The following RBFOX3 variants were observed in gnomAD, a reference collection of about 807,000 sequenced individuals.
RBFOX3 encodes RNA binding fox-1 homolog 3.
In RBFOX3, 17 loss-of-function variants were observed where a neutral mutation model predicts 48.7. The observed-to-expected ratio is 0.35, with a 90% CI of 0.24 to 0.52. The LOEUF is 0.52. Among genes scored for constraint, RBFOX3 ranks in the 20% least tolerant of loss-of-function variants. The pLI, the probability that RBFOX3 is intolerant of heterozygous loss-of-function variation, is 0.94. For missense variants in RBFOX3, 382 were observed against 497.5 expected (o/e 0.77, Z 2.21); for synonymous variants, 212 against 209.5 (o/e 1.01, Z -0.10).
chr17:79,107,783 C>T (rs770072887), intron 5 of RBFOX3, among the ~76,000 whole-genome samples: 20 of 152,230 alleles, frequency 1.3e-4, no homozygotes, highest in Non-Finnish European at 2.1e-4. Flanking sequence ...GTGCCAGCCT[C>T]GCAGGCTGTT....
rs1297043283 is a variant in RBFOX3, at chr17:79,362,417, G to A, written c.-174-54593C>T. The stretch of plus-strand genomic sequence containing the variant: ...AAACAGAGCCCCAGCTCTGAGGCAT[G>A]GGGAGAGGATCACCCAGGGGACCAG... On this transcript the variant is annotated intron_variant, in intron 2 of 14. Transcript: ENST00000693108. This position sits in a 1 kb window ranked among gnomAD's most constrained non-coding sequence, Gnocchi z 4.2. Among the ~76,000 whole-genome samples the A allele has an allele frequency of 6.6e-6, 1 of 152,160 alleles. No individual in the cohort carries two copies. The highest frequency in any genetic ancestry group is 2.1e-4 in the South Asian group (1 of 4,828).
chr17:79,417,829 G>T (rs574426448), intron 2 of RBFOX3, among the ~76,000 whole-genome samples: 1 of 152,244 alleles, frequency 6.6e-6, no homozygotes. Flanking sequence ...CAGTGTCCAC[G>T]GATGGACGAA....
intron 3 of RBFOX3, among the ~76,000 whole-genome samples, chr17:79,279,497 C>A (rs2069734499): frequency 6.6e-6 from 1 of 152,194 alleles, no homozygotes; most frequent in African/African-American, 2.4e-5. Context: ...ACGGCACTGT[C>A]ACGGCGGGTT....
intron 1 of RBFOX3, among the ~76,000 whole-genome samples, chr17:79,486,381 G>C (rs1173476918): frequency 6.6e-6 from 1 of 152,154 alleles, no homozygotes; most frequent in Non-Finnish European, 1.5e-5. Context: ...CATGCGCTGA[G>C]TGCAGTGCTC....
intron 7 of RBFOX3, 50 bp downstream of exon 7, chr17:79,104,023 G>C: frequency 6.7e-7 from 1 of 1,481,850 alleles, no homozygotes; most frequent in East Asian, 2.5e-5. Flanking sequence ...CGTTAGCCTG[G>C]CGGGACCTAC....
At chr17:79,227,123 TTGGCAGGC>T (rs1446601019) in intron 4 of RBFOX3, among the ~76,000 whole-genome samples, 2 of 152,198 alleles carry the variant, frequency 1.3e-5, no homozygotes, top group African/African-American at 2.4e-5. Context: ...CGCCAGCCAG[TTGGCAGGC>T]TGGACACTCA....
At chr17:79,121,856 A>AG (rs2035821796) in intron 4 of RBFOX3, among the ~76,000 whole-genome samples, 1 of 152,036 alleles carries the variant, frequency 6.6e-6, no homozygotes. Flanking sequence ...TTAAAAAAAA[A>AG]CATCTGTATG....
At chr17:79,174,819 A>G (rs963868261) in intron 4 of RBFOX3, among the ~76,000 whole-genome samples, 4 of 152,238 alleles carry the variant, frequency 2.6e-5, no homozygotes, top group Non-Finnish European at 1.5e-5. Context: ...ACGTTTGTCT[A>G]AGTGAGACTG....
At chr17:79,186,747 G>C (rs2053492481) in intron 4 of RBFOX3, among the ~76,000 whole-genome samples, 1 of 152,260 alleles carries the variant, frequency 6.6e-6, no homozygotes, top group Non-Finnish European at 1.5e-5. Context: ...AGGCAGGCAG[G>C]AACTGAGCTG....
chr17:79,205,253 C>A lies in RBFOX3; in HGVS notation c.-34+30513G>T, dbSNP rs1366389144. On this transcript the variant is annotated intron_variant, in intron 4 of 14. Transcript: ENST00000693108. The surrounding 1 kb of genome is among the most constrained non-coding windows in gnomAD (Gnocchi z 4.5). ...GGAGGATACATGGTTAGAGCAGACACTGATACCTGTGAAATGAAAACACCA... is the reference window on the plus strand; with the variant it reads ...GGAGGATACATGGTTAGAGCAGACAATGATACCTGTGAAATGAAAACACCA... 6.6e-6 allele frequency among the ~76,000 whole-genome samples: 1 copy of A among 152,132 alleles called. No homozygotes were observed. Among genetic ancestry groups the A allele is most frequent in the Non-Finnish European group, 1.5e-5 (1 of 68,030 alleles).
At chr17:79,462,119 T>C (rs1598797185) in intron 2 of RBFOX3, among the ~76,000 whole-genome samples, 1 of 152,368 alleles carries the variant, frequency 6.6e-6, no homozygotes, top group East Asian at 1.9e-4. Flanking sequence ...TGCCTCTCTC[T>C]CTAGAACACA....
chr17:79,156,635 C>T (rs74426883), intron 4 of RBFOX3, among the ~76,000 whole-genome samples: 5,255 of 152,278 alleles, frequency 0.035, 141 homozygotes, highest in East Asian at 0.15. Flanking sequence ...TTTATTGGAA[C>T]CTGGCCACAC....
chr17:79,578,685 A>G (rs2092943955), intron 1 of RBFOX3, among the ~76,000 whole-genome samples: 1 of 152,264 alleles, frequency 6.6e-6, no homozygotes, highest in African/African-American at 2.4e-5. Context: ...GAACTCCCTG[A>G]CTTGGCTCTG....
At chr17:79,586,105 G>A (rs2093241431) in intron 1 of RBFOX3, among the ~76,000 whole-genome samples, 1 of 152,184 alleles carries the variant, frequency 6.6e-6, no homozygotes. Flanking sequence ...ATGTGACTTT[G>A]TAGCTCCTTC....
the RBFOX3 span, among the ~76,000 whole-genome samples, chr17:79,637,776 G>A: frequency 1.4e-5 from 1 of 70,164 alleles, no homozygotes; most frequent in African/African-American, 4.6e-5. Context: ...GGGAAGGGAG[G>A]GGAAGGGAGG....
chr17:79,419,002 T>A (rs1223781986), intron 2 of RBFOX3, among the ~76,000 whole-genome samples: 1 of 152,176 alleles, frequency 6.6e-6, no homozygotes, highest in African/African-American at 2.4e-5. Flanking sequence ...TCTGCTGGTG[T>A]CAAGGGACCG....
chr17:79,436,224 G>C (rs2069419834), intron 2 of RBFOX3, among the ~76,000 whole-genome samples: 1 of 152,254 alleles, frequency 6.6e-6, no homozygotes, highest in South Asian at 2.1e-4. Flanking sequence ...CTGCCCACAG[G>C]ATGCCTGGCT....
intron 4 of RBFOX3, among the ~76,000 whole-genome samples, chr17:79,229,757 T>C (rs2060784038): frequency 6.6e-6 from 1 of 152,034 alleles, no homozygotes; most frequent in Non-Finnish European, 1.5e-5. Context: ...AAATTCTCAG[T>C]GTGAAAAGTA....
At chr17:79,322,260 G>A (rs2078639391) in intron 2 of RBFOX3, among the ~76,000 whole-genome samples, 1 of 20,558 alleles carries the variant, frequency 4.9e-5, no homozygotes, top group Non-Finnish European at 1.2e-4. Flanking sequence ...GGAAAGAAGG[G>A]AGAGAGAGAG....
Sources: allele counts gnomAD v4.1 joint callset (sites outside exome capture counted in the v4.1 genomes callset), GRCh38; gene constraint gnomAD v4.1.1; non-coding constraint Gnocchi (gnomAD v3.1); transcripts MANE v1.5; gene names NCBI Gene and HGNC (gene_info 2026-07-23, HGNC 2026-07-21).